The following GALNT15 variants were observed in gnomAD, a reference collection of about 807,000 sequenced individuals.
GALNT15 encodes UDP-GalNAc transferase T15.
GALNT15 carries 67 observed loss-of-function variants against 66.8 expected under a neutral mutation model. The ratio of observed to expected loss-of-function variants is 1.00; its 90% CI spans 0.82 to 1.23. The LOEUF (loss-of-function observed/expected upper bound fraction) is 1.23. GALNT15 is among the 50% of genes most tolerant of loss of function. The probability of loss-of-function intolerance (pLI) is 0.00; values close to 1 mark genes in which losing one functional copy is unlikely to be tolerated. For missense variants in GALNT15, 827 were observed against 804.3 expected (o/e 1.03, Z -0.34); for synonymous variants, 313 against 311.5 (o/e 1.00, Z -0.05).
At chr3:16,222,862 C>G (rs1426636769) in intron 9 of GALNT15, 104 bp downstream of exon 9, 5 of 1,305,122 alleles carry the variant, frequency 3.8e-6, no homozygotes, top group Non-Finnish European at 5.3e-6. Flanking sequence ...TATTAGGGAC[C>G]TCTGCCTCTG....
rs1452975142 is a variant in GALNT15 at position 16,184,774 on chromosome 3, C to T, written c.539+9084C>T. 6.6e-6 allele frequency among the ~76,000 whole-genome samples: 1 copy of T among 152,228 alleles called. No individual in the cohort carries two copies. Among genetic ancestry groups the T allele is most frequent in the Non-Finnish European group, 1.5e-5 (1 of 68,026 alleles). On this transcript the variant is annotated intron_variant, in intron 1 of 9. Coordinates refer to ENST00000339732, the MANE Select transcript of GALNT15 (RefSeq NM_054110.5). The surrounding 1 kb of genome is among the most constrained non-coding windows in gnomAD (Gnocchi z 5.0). Reference sequence around the variant, plus strand: ...GAGAGGCATGTGTTCAAGGCAGCTACCTCTGTGGGCAGCTGGAGCTCAGCC... The same window carrying T: ...GAGAGGCATGTGTTCAAGGCAGCTATCTCTGTGGGCAGCTGGAGCTCAGCC...
intron 1 of GALNT15, among the ~76,000 whole-genome samples, chr3:16,178,589 G>A (rs559724092): frequency 1.3e-5 from 2 of 152,262 alleles, no homozygotes; most frequent in African/African-American, 4.8e-5. Context: ...TCCAGTCTGC[G>A]GTTCAAGCTC....
intron 5 of GALNT15, among the ~76,000 whole-genome samples, chr3:16,212,366 C>T (rs1559688456): frequency 6.6e-6 from 1 of 152,158 alleles, no homozygotes; most frequent in Non-Finnish European, 1.5e-5. Context: ...ACAACTACCT[C>T]TATTCTCTCC....
chr3:16,211,545 C>T lies in GALNT15; in HGVS notation c.1197+304C>T, dbSNP rs1170651425. Reference sequence around the variant, plus strand: ...TCATACATTCTCTATTCACAGCGCTCTTAGCATCTTAGTAATTTTTTCACA... The same window carrying T: ...TCATACATTCTCTATTCACAGCGCTTTTAGCATCTTAGTAATTTTTTCACA... On this transcript the variant is annotated intron_variant, in intron 5 of 9. Transcript: ENST00000339732. This position sits in a 1 kb window ranked among gnomAD's most constrained non-coding sequence, Gnocchi z 4.3. 1.3e-5 allele frequency among the ~76,000 whole-genome samples: 2 copies of T among 152,160 alleles called. No individual in the cohort carries two copies. Among genetic ancestry groups the T allele is most frequent in the East Asian group, 1.9e-4 (1 of 5,202 alleles).
At chr3:16,206,875 C>T (rs9864119) in intron 3 of GALNT15, among the ~76,000 whole-genome samples, 1,796 of 152,094 alleles carry the variant, frequency 0.012, 43 homozygotes, top group African/African-American at 0.041. Context: ...AAATGCTTTG[C>T]CAATAGCCAA....
intron 1 of GALNT15, among the ~76,000 whole-genome samples, chr3:16,192,500 A>C (rs2063589816): frequency 6.6e-6 from 1 of 152,138 alleles, no homozygotes; most frequent in Admixed American, 6.5e-5. Flanking sequence ...AAATTCACTG[A>C]GGCAAAATTT....
rs891456074 is a variant in GALNT15 at position 16,211,014 on chromosome 3, G to T, written c.1080-110G>T. On this transcript the variant is annotated intron_variant, in intron 4 of 9. Coordinates refer to ENST00000339732, the MANE Select transcript of GALNT15 (RefSeq NM_054110.5). This position sits in a 1 kb window ranked among gnomAD's most constrained non-coding sequence, Gnocchi z 4.3. ...AAATTGCATTTTACCTGAGCCTAAA[G>T]CCTGTTCTCTCAGCCACTGGAGCTC... 3 of 743,512 alleles carry T rather than the reference G, an allele frequency of 4.0e-6. No homozygotes were observed. The highest frequency in any genetic ancestry group is 7.2e-6 in the Non-Finnish European group (3 of 419,462). The allele number at this position is 743,512 out of a possible 1,614,324, so 46.1% of individuals were successfully genotyped here.
In GALNT15 at chr3:16,219,159, G is replaced by C. The variant is rs756879883; in HGVS notation, c.1393-244G>C. ...ATTTGAGGGATTGTGGGAAGGGGCT[G>C]ATATCACTTACAGTCTTGCTGGTTC... On this transcript the variant is annotated intron_variant, in intron 6 of 9. Transcript: ENST00000339732. The surrounding 1 kb of genome is among the most constrained non-coding windows in gnomAD (Gnocchi z 4.3). 2.0e-5 allele frequency among the ~76,000 whole-genome samples: 3 copies of C among 152,162 alleles called. No homozygotes were observed. The highest frequency in any genetic ancestry group is 4.4e-5 in the Non-Finnish European group (3 of 68,028).
Position 16,175,299 on chromosome 3 carries a change from A to C in GALNT15, c.148A>C (p.Lys50Gln). 1 of 1,614,168 alleles carries C rather than the reference A, an allele frequency of 6.2e-7. No individual in the cohort carries two copies. The highest frequency in any genetic ancestry group is 8.5e-7 in the Non-Finnish European group (1 of 1,180,028). The change falls in exon 1 of 10, where the codon AAG (lysine) becomes CAG (glutamine). Residue 50 changes from lysine (K) to glutamine (Q), a missense_variant. Physicochemically the swap from Lys to Gln is moderately conservative, Grantham distance 53. Coordinates refer to ENST00000339732, the MANE Select transcript of GALNT15 (RefSeq NM_054110.5). The surrounding 1 kb of genome is among the most constrained non-coding windows in gnomAD (Gnocchi z 5.6). ...CCAGACTGTCACAGCCCAAGCCAGC[A>C]AGCACAGCCCTGAAGCCAGGTACCG... ...LHQTVTAQAS[K>Q]HSPEARYRLD... is the part of the protein sequence containing the mutation.
rs905681395 is a variant in GALNT15 at position 16,211,069 on chromosome 3, G to A, written c.1080-55G>A. ...CTGGGAAGCCCCAGCCCCCAGCCTC[G>A]CCTGCTGTGCTCTGGGTTCTGAACT... is the stretch of plus-strand genomic sequence containing the variant. On this transcript the variant is annotated intron_variant, in intron 4 of 9. Transcript: ENST00000339732. The surrounding 1 kb of genome is among the most constrained non-coding windows in gnomAD (Gnocchi z 4.3). The A allele has an allele frequency of 3.3e-5, 44 of 1,334,710 alleles. No homozygotes were observed. Among genetic ancestry groups the A allele is most frequent in the East Asian group, 2.1e-4 (9 of 43,406 alleles). The allele number at this position is 1,334,710 out of a possible 1,614,324, so 82.7% of individuals were successfully genotyped here.
Position 16,215,916 on chromosome 3 carries a change from A to AAACAAAAAAAAAAAAAAAAAAC in GALNT15, c.1392+3155_1392+3156insCAAAAAAAAAAAAAAAAAACAA, listed in dbSNP as rs1019009823. Among the ~76,000 whole-genome samples the AAACAAAAAAAAAAAAAAAAAAC allele has an allele frequency of 1.7e-4, 25 of 143,528 alleles. 1 individual carries two copies. Among genetic ancestry groups the AAACAAAAAAAAAAAAAAAAAAC allele is most frequent in the Admixed American group, 3.6e-4 (5 of 13,834 alleles). 94.2% of individuals were successfully genotyped at this position (143,528 alleles called of 152,430 possible). A position where few individuals can be genotyped will look rare whatever the true frequency, so the allele number is the denominator to read the frequency against. On this transcript the variant is annotated intron_variant, in intron 6 of 9. Transcript: ENST00000339732. ...AGAGGGAGACTCCGCCAAAAAAAAA[A>AAACAAAAAAAAAAAAAAAAAAC]AAAAAAAAAGAAGAGGAAGAAGAAG...
At chr3:16,238,569 C>T in the GALNT15 span, among the ~76,000 whole-genome samples, 91,841 of 151,818 alleles carry the variant, frequency 0.6, 27,943 homozygotes, top group South Asian at 0.7. This position sits in a 1 kb window ranked among gnomAD's most constrained non-coding sequence, Gnocchi z 4.8. Flanking sequence ...CTATTATCTC[C>T]GTTTTATATT....
rs73051143 is a variant in GALNT15 at position 16,176,848 on chromosome 3, A to G, written c.539+1158A>G. Reference sequence around the variant, plus strand: ...TTCCCCTCAGCCTGGCTGCTCAGCCACTCACACTCGAGGGTGTGCAATTGC... The same window carrying G: ...TTCCCCTCAGCCTGGCTGCTCAGCCGCTCACACTCGAGGGTGTGCAATTGC... On this transcript the variant is annotated intron_variant, in intron 1 of 9. Coordinates refer to ENST00000339732, the MANE Select transcript of GALNT15 (RefSeq NM_054110.5). The surrounding 1 kb of genome is among the most constrained non-coding windows in gnomAD (Gnocchi z 5.6). 0.062 allele frequency among the ~76,000 whole-genome samples: 9,430 copies of G among 152,158 alleles called. 347 individuals are homozygous for G. The highest frequency in any genetic ancestry group is 0.079 in the Non-Finnish European group (5,380 of 68,002).
Position 16,183,271 on chromosome 3 carries a change from C to T in GALNT15, c.539+7581C>T, listed in dbSNP as rs1312479130. ...ATCAGCCTCCACTGCAGACTCCAGC[C>T]CTTTCCTCCCATCTCTCTTGTCTGC... On this transcript the variant is annotated intron_variant, in intron 1 of 9. Coordinates refer to ENST00000339732, the MANE Select transcript of GALNT15 (RefSeq NM_054110.5). This position sits in a 1 kb window ranked among gnomAD's most constrained non-coding sequence, Gnocchi z 5.2. 2.0e-5 allele frequency: 3 copies of T among 152,258 alleles called. No individual in the cohort carries two copies. The highest frequency in any genetic ancestry group is 4.8e-5 in the African/African-American group (2 of 41,442). 9.4% of individuals were successfully genotyped at this position (152,258 alleles called of 1,614,324 possible).
In GALNT15 at chr3:16,174,928, T is replaced by C. The variant is rs769346175; in HGVS notation, c.-224T>C. On this transcript the variant is annotated 5_prime_UTR_variant, in exon 1 of 10. Transcript: ENST00000339732. The surrounding 1 kb of genome is among the most constrained non-coding windows in gnomAD (Gnocchi z 4.7). ...TCAGAAGGCAATTAAAGAAATCCAC[T>C]CAGAGAGGACTTGGGGTGAAACTTG... 4 of 538,286 alleles carry C rather than the reference T, an allele frequency of 7.4e-6. No homozygotes were observed. The highest frequency in any genetic ancestry group is 1.9e-5 in the African/African-American group (1 of 53,324). 33.3% of individuals were successfully genotyped at this position (538,286 alleles called of 1,614,324 possible).
At chr3:16,221,819 T>G (rs981923880) in intron 8 of GALNT15, among the ~76,000 whole-genome samples, 1 of 152,210 alleles carries the variant, frequency 6.6e-6, no homozygotes, top group African/African-American at 2.4e-5. Flanking sequence ...TTGTGTAGCT[T>G]GGGAATCCTC....
intron 9 of GALNT15, among the ~76,000 whole-genome samples, chr3:16,226,546 C>T (rs842279): frequency 0.013 from 1,934 of 152,106 alleles, 22 homozygotes; most frequent in South Asian, 0.019. Flanking sequence ...AGAGAGAGAG[C>T]GAAGGAGGAG....
chr3:16,220,709 C>T (rs113526225), intron 8 of GALNT15, among the ~76,000 whole-genome samples: 2 of 152,156 alleles, frequency 1.3e-5, no homozygotes, highest in African/African-American at 4.8e-5. Flanking sequence ...GTATAATTTC[C>T]TGGAGATATT....
At position 16,203,436 on chromosome 3, in the gene GALNT15, C is replaced by T. The variant is rs1411272424; in HGVS notation, c.911+2613C>T. Among the ~76,000 whole-genome samples the T allele has an allele frequency of 1.3e-5, 2 of 151,562 alleles. No individual in the cohort carries two copies. The highest frequency in any genetic ancestry group is 4.9e-5 in the African/African-American group (2 of 41,206). ...GACATTCTAGTTTCCTGTGCCCTTC[C>T]CCTCTCCTCTTTTCCTCTCCTGTCT... On this transcript the variant is annotated intron_variant, in intron 3 of 9. Transcript: ENST00000339732. This position sits in a 1 kb window ranked among gnomAD's most constrained non-coding sequence, Gnocchi z 6.2.
Sources: allele counts gnomAD v4.1 joint callset (sites outside exome capture counted in the v4.1 genomes callset), GRCh38; gene constraint gnomAD v4.1.1; non-coding constraint Gnocchi (gnomAD v3.1); transcripts MANE v1.5; gene names NCBI Gene and HGNC (gene_info 2026-07-23, HGNC 2026-07-21).